Variants in TMEM131 observed in about 807,000 individuals in gnomAD.
TMEM131 encodes the protein transmembrane protein 131, also known as 2610524E03Rik.
TMEM131 carries 66 observed loss-of-function variants against 211.6 expected under a neutral mutation model. The observed-to-expected ratio is 0.31, with a 90% CI of 0.26 to 0.38. The LOEUF (loss-of-function observed/expected upper bound fraction) is 0.38, where lower values mean the gene tolerates loss of function less well. Ranked by LOEUF, TMEM131 falls within the 10% of genes least tolerant of loss-of-function variation. TMEM131 has a pLI of 1.00. For synonymous variants in TMEM131, 844 were observed against 841.3 expected, an observed-to-expected ratio of 1.00 and a Z score of -0.06; for missense variants, 2,036 against 2,299.3, an observed-to-expected ratio of 0.89 and a Z score of 2.34.
At chr2:97,810,191 G>T (rs142615746) in intron 18 of TMEM131, among the ~76,000 whole-genome samples, 4,427 of 150,956 alleles carry the variant, frequency 0.029, 77 homozygotes, top group Middle Eastern at 0.065. Context: ...CTTTTTTTTT[G>T]ATACAGAAAT....
chr2:97,765,613 A>C (rs1337085973), intron 35 of TMEM131, among the ~76,000 whole-genome samples: 1 of 152,236 alleles, frequency 6.6e-6, no homozygotes. Flanking sequence ...ACTGCAGGCC[A>C]AACTGGAGAA....
intron 13 of TMEM131, among the ~76,000 whole-genome samples, chr2:97,814,898 C>T (rs1188426070): frequency 1.3e-5 from 2 of 152,010 alleles, no homozygotes; most frequent in Non-Finnish European, 2.9e-5. Context: ...ATATTACAAA[C>T]AAATGTCAGA....
chr2:97,839,720 T>C (rs1037627621), intron 7 of TMEM131, among the ~76,000 whole-genome samples: 7 of 152,220 alleles, frequency 4.6e-5, no homozygotes, highest in African/African-American at 7.2e-5. Flanking sequence ...GTCTATGCAA[T>C]AGCTATCAGC....
rs551588927 is a variant in TMEM131 at position 97,874,036 on chromosome 2, G to A, written c.359+14016C>T. On this transcript the variant is annotated intron_variant, in intron 4 of 40. Coordinates refer to ENST00000186436, the MANE Select transcript of TMEM131 (RefSeq NM_015348.2). ...GTGTAGAGAAGAACATAAATGACCCGATGGAGCTGAAAAATACAGCACGAG... is the reference window on the plus strand; with the variant it reads ...GTGTAGAGAAGAACATAAATGACCCAATGGAGCTGAAAAATACAGCACGAG... 3.9e-5 allele frequency among the ~76,000 whole-genome samples: 6 copies of A among 152,246 alleles called. No individual in the cohort carries two copies. The South Asian group carries it at 8.3e-4, about 21-fold the overall frequency.
chr2:97,931,583 T>C (rs528858842), intron 1 of TMEM131, among the ~76,000 whole-genome samples: 6 of 152,306 alleles, frequency 3.9e-5, no homozygotes, highest in Admixed American at 2.0e-4. Context: ...TGTAAATAAC[T>C]AGTAGAAAAA....
intron 6 of TMEM131, among the ~76,000 whole-genome samples, chr2:97,842,190 C>G (rs1227100773): frequency 6.6e-6 from 1 of 151,968 alleles, no homozygotes. Flanking sequence ...TTCAAGAAGC[C>G]ATGCAATAGA....
intron 31 of TMEM131, among the ~76,000 whole-genome samples, chr2:97,779,052 T>C (rs946935121): frequency 2.0e-5 from 3 of 152,248 alleles, no homozygotes; most frequent in Admixed American, 1.3e-4. Flanking sequence ...AAGAAAATAC[T>C]GCAGTCTGGG....
intron 32 of TMEM131, among the ~76,000 whole-genome samples, chr2:97,774,767 T>C (rs1191976498): frequency 1.3e-5 from 2 of 152,200 alleles, no homozygotes; most frequent in Non-Finnish European, 2.9e-5. Context: ...GGGTTTAAAC[T>C]GCTGGGATTT....
At chr2:97,847,732 A>G (rs780373362) in intron 5 of TMEM131, among the ~76,000 whole-genome samples, 14 of 152,240 alleles carry the variant, frequency 9.2e-5, no homozygotes, top group Non-Finnish European at 1.9e-4. Context: ...TGAAATTCAT[A>G]TAAGTTCTTT....
At chr2:97,935,179 C>A (rs915565561) in intron 1 of TMEM131, among the ~76,000 whole-genome samples, 1 of 152,022 alleles carries the variant, frequency 6.6e-6, no homozygotes, top group South Asian at 2.1e-4. Flanking sequence ...AAAGAACAAT[C>A]CAATAAGCAA....
rs763978506 is a variant in TMEM131 at position 97,812,436 on chromosome 2, T to G, written c.1848A>C (p.Leu616Phe). The G allele has an allele frequency of 5.0e-6, 8 of 1,608,544 alleles. No homozygotes were observed. The highest frequency in any genetic ancestry group is 6.8e-6 in the Non-Finnish European group (8 of 1,178,518). ...SSLPEFEKSSLSDQSSVTLAS... is the reference protein window; with the variant it reads ...SSLPEFEKSSFSDQSSVTLAS... ...GTTTACTTACCGATGATTGATCTGA[T>G]AAAGAGGATTTTTCAAACTCTGGCA... is the stretch of plus-strand genomic sequence containing the variant. The change falls in exon 17 of 41, where the codon TTA becomes TTC. Residue 616 changes from leucine (L) to phenylalanine (F), a missense_variant. Physicochemically the swap from Leu to Phe is conservative, Grantham distance 22 (BLOSUM62 0). Coordinates refer to ENST00000186436, the MANE Select transcript of TMEM131 (RefSeq NM_015348.2).
intron 1 of TMEM131, among the ~76,000 whole-genome samples, chr2:97,933,702 C>G (rs1007114062): frequency 1.3e-5 from 2 of 151,852 alleles, no homozygotes; most frequent in Non-Finnish European, 2.9e-5. Flanking sequence ...TTATGCATCA[C>G]GACCAAGTGA....
intron 1 of TMEM131, among the ~76,000 whole-genome samples, chr2:97,966,141 T>C (rs1679046039): frequency 6.6e-6 from 1 of 151,776 alleles, no homozygotes; most frequent in African/African-American, 2.4e-5. Context: ...ATATCTAGTA[T>C]GTTAGAATAA....
chr2:97,758,758 T>A (rs1310402101), intron 40 of TMEM131, 135 bp downstream of exon 40: 1 of 1,173,538 alleles, frequency 8.5e-7, no homozygotes, highest in Non-Finnish European at 1.2e-6. Context: ...ATGGAGACAA[T>A]AAAAGTACTA....
At chr2:97,778,528 G>A (rs932917769) in intron 31 of TMEM131, among the ~76,000 whole-genome samples, 5 of 151,710 alleles carry the variant, frequency 3.3e-5, no homozygotes, top group East Asian at 1.9e-4. Flanking sequence ...TCCAGCCTGG[G>A]TGACAGAGCA....
In TMEM131 at chr2:97,814,369, C is replaced by T. The variant is rs1164853699; in HGVS notation, c.1312G>A (p.Ala438Thr). 1 of 1,607,068 alleles carries T rather than the reference C, an allele frequency of 6.2e-7. No individual in the cohort carries two copies. Among genetic ancestry groups the T allele is most frequent in the East Asian group, 2.2e-5 (1 of 44,756 alleles). Reference protein sequence around the residue: ...VLDGYLGFDHAATLFHIRDSP... With the variant: ...VLDGYLGFDHTATLFHIRDSP... ...TCTCGGATGTGAAATAATGTTGCAG[C>T]ATGATCAAATCCCAAATAACTATTA... Residue 438 changes from alanine (A) to threonine (T), a missense_variant, in exon 14 of 41, where the codon GCT becomes ACT. By Grantham distance (58) the Ala-to-Thr change is moderately conservative. Coordinates refer to ENST00000186436, the MANE Select transcript of TMEM131 (RefSeq NM_015348.2).
intron 1 of TMEM131, among the ~76,000 whole-genome samples, chr2:97,938,682 T>C (rs62156509): frequency 0.077 from 11,745 of 152,248 alleles, 536 homozygotes; most frequent in Middle Eastern, 0.12. Context: ...GCAGACCTAA[T>C]AGACATCTAC....
chr2:97,892,081 TGATA>T (rs1224235182), intron 3 of TMEM131, among the ~76,000 whole-genome samples: 8 of 152,222 alleles, frequency 5.3e-5, no homozygotes, highest in Non-Finnish European at 1.2e-4. Flanking sequence ...TTCTCCTATA[TGATA>T]TATATTCTCC....
At chr2:97,785,576 T>C (rs1239935449) in intron 31 of TMEM131, among the ~76,000 whole-genome samples, 1 of 152,210 alleles carries the variant, frequency 6.6e-6, no homozygotes, top group Non-Finnish European at 1.5e-5. Context: ...GGGAATGTAA[T>C]ACAGCACAGT....
Sources: gnomAD v4.1 joint callset for allele counts (sites outside exome capture counted in the v4.1 genomes callset) on GRCh38, gnomAD v4.1.1 for gene constraint, MANE v1.5 for transcripts, NCBI Gene and HGNC (gene_info 2026-07-23, HGNC 2026-07-21) for gene names.